The following NCAM2 variants were observed in gnomAD, a reference collection of about 807,000 sequenced individuals.
The protein encoded by NCAM2 is N-CAM-2.
A neutral mutation model predicts 98.1 loss-of-function variants in NCAM2; 30 were observed. The observed-to-expected ratio is 0.31, with a 90% CI of 0.23 to 0.41. The LOEUF (loss-of-function observed/expected upper bound fraction) is 0.41. NCAM2 is among the 10% of genes least tolerant of loss of function. The pLI is 1.00. For missense variants in NCAM2, 867 were observed against 1,005.8 expected (o/e 0.86, Z 1.87); for synonymous variants, 368 against 342.4 (o/e 1.07, Z -0.83).
At chr21:21,000,202 T>G (rs1196394764) in intron 1 of NCAM2, among the ~76,000 whole-genome samples, 1 of 152,212 alleles carries the variant, frequency 6.6e-6, no homozygotes, top group Non-Finnish European at 1.5e-5. Flanking sequence ...AACTGTTCAT[T>G]TATAGCATAG....
chr21:21,374,455 A>C lies in NCAM2; in HGVS notation c.1195+442A>C, dbSNP rs143562543. ...AAACTATAAAGAGTATTTTAAATGC[A>C]GTGAAATGTACTAATATGCTGTCTT... On this transcript the variant is annotated intron_variant, in intron 9 of 17. Coordinates refer to ENST00000400546, the MANE Select transcript of NCAM2 (RefSeq NM_004540.5). Among the ~76,000 whole-genome samples, 840 of 152,044 alleles carry C rather than the reference A, an allele frequency of 5.5e-3. 3 individuals carry two copies. Among genetic ancestry groups the C allele is most frequent in the Non-Finnish European group, 8.1e-3 (550 of 67,924 alleles).
At chr21:21,480,910 G>T (rs1985820417) in intron 15 of NCAM2, among the ~76,000 whole-genome samples, 1 of 152,188 alleles carries the variant, frequency 6.6e-6, no homozygotes, top group African/African-American at 2.4e-5. Flanking sequence ...TTTTGTAGGA[G>T]AAGCAAGACT....
chr21:21,104,298 G>A (rs2146500044), intron 1 of NCAM2, among the ~76,000 whole-genome samples: 1 of 152,222 alleles, frequency 6.6e-6, no homozygotes, highest in South Asian at 2.1e-4. Flanking sequence ...GTACATTAGT[G>A]TATTGTATAT....
chr21:21,175,127 G>T (rs1427419295), intron 1 of NCAM2, among the ~76,000 whole-genome samples: 1 of 152,110 alleles, frequency 6.6e-6, no homozygotes, highest in African/African-American at 2.4e-5. Context: ...GATGAGTCTG[G>T]TTAACAGAAT....
At chr21:21,468,810 A>G (rs781196231) in intron 14 of NCAM2, 27 bp downstream of exon 14, 6 of 1,585,068 alleles carry the variant, frequency 3.8e-6, no homozygotes, top group South Asian at 1.1e-5. Context: ...TTGTCATATC[A>G]TGCTAGGTTT....
intron 12 of NCAM2, among the ~76,000 whole-genome samples, chr21:21,445,306 TATG>T (rs1388976784): frequency 6.6e-6 from 1 of 152,178 alleles, no homozygotes; most frequent in African/African-American, 2.4e-5. Flanking sequence ...GAATGAATAT[TATG>T]ATGATTTGGG....
Position 21,540,797 on chromosome 21 carries a change from A to G in NCAM2, c.*2840A>G, listed in dbSNP as rs1315039255. 6.6e-6 allele frequency: 1 copy of G among 152,140 alleles called. No homozygotes were observed. The highest frequency in any genetic ancestry group is 3.4e-3 in the Middle Eastern group (1 of 294). The allele number at this position is 152,140 out of a possible 1,614,324, so 9.4% of individuals were successfully genotyped here. ...GGTATTTCTTGATAGGTTAGGTGCA[A>G]TTAGGCAGTGACAATCTGTATTCAA... is the stretch of plus-strand genomic sequence containing the variant. On this transcript the variant is annotated 3_prime_UTR_variant, in exon 18 of 18. Coordinates refer to ENST00000400546, the MANE Select transcript of NCAM2 (RefSeq NM_004540.5).
intron 9 of NCAM2, among the ~76,000 whole-genome samples, chr21:21,378,331 T>C (rs2076077876): frequency 6.6e-6 from 1 of 152,038 alleles, no homozygotes; most frequent in Admixed American, 6.6e-5. Flanking sequence ...CTACTTCCTC[T>C]TCAGTACTTG....
intron 1 of NCAM2, among the ~76,000 whole-genome samples, chr21:21,178,115 G>A (rs1684181851): frequency 6.6e-6 from 1 of 152,034 alleles, no homozygotes; most frequent in Non-Finnish European, 1.5e-5. Flanking sequence ...CAAGGGTATT[G>A]ACAATTAGTT....
chr21:21,277,491 C>A (rs2072771533), intron 1 of NCAM2, among the ~76,000 whole-genome samples: 1 of 151,878 alleles, frequency 6.6e-6, no homozygotes, highest in Admixed American at 6.6e-5. Context: ...AGTAGGAAGC[C>A]ATGAGGGGTT....
At chr21:21,220,132 A>G (rs2070082501) in intron 1 of NCAM2, among the ~76,000 whole-genome samples, 1 of 152,144 alleles carries the variant, frequency 6.6e-6, no homozygotes, top group Non-Finnish European at 1.5e-5. Context: ...AAATAAAAAT[A>G]TTTTTAATAA....
At chr21:21,415,568 C>T (rs970829997) in intron 10 of NCAM2, among the ~76,000 whole-genome samples, 2 of 152,108 alleles carry the variant, frequency 1.3e-5, no homozygotes, top group East Asian at 3.9e-4. Flanking sequence ...ATCTCCTGAC[C>T]TCGTGATCTG....
At chr21:21,136,589 G>A (rs2067055977) in intron 1 of NCAM2, among the ~76,000 whole-genome samples, 1 of 151,484 alleles carries the variant, frequency 6.6e-6, no homozygotes, top group Non-Finnish European at 1.5e-5. Flanking sequence ...AGCCTCTGGA[G>A]TAGCTGGGAT....
rs750515325 is a variant in NCAM2 at position 21,538,871 on chromosome 21, A to G, written c.*914A>G. 2.2e-4 allele frequency: 34 copies of G among 152,162 alleles called. No homozygotes were observed. The allele number at this position is 152,162 out of a possible 1,614,324, so 9.4% of individuals were successfully genotyped here. On this transcript the variant is annotated 3_prime_UTR_variant, in exon 18 of 18. Transcript: ENST00000400546. ...AAGTCTTTAGTGTTCAAATACTTCA[A>G]ATCATATCCTCAGATATATTTTTAG...
intron 12 of NCAM2, among the ~76,000 whole-genome samples, chr21:21,432,882 A>C (rs111630884): frequency 3.3e-5 from 5 of 152,308 alleles, no homozygotes; most frequent in African/African-American, 1.2e-4. Context: ...AATAATAAGA[A>C]TTACCAGCGT....
chr21:21,452,963 A>AT (rs1303827278), intron 12 of NCAM2, among the ~76,000 whole-genome samples: 1 of 33,174 alleles, frequency 3.0e-5, no homozygotes, highest in African/African-American at 1.4e-4. Context: ...TATATTATAT[A>AT]TTATATATTA....
chr21:21,212,742 CTTTTT>C (rs34111265), intron 1 of NCAM2, among the ~76,000 whole-genome samples: 2 of 124,738 alleles, frequency 1.6e-5, no homozygotes, highest in East Asian at 4.6e-4. Context: ...ATTATCTGTG[CTTTTT>C]TTTTTTTTTT....
intron 1 of NCAM2, among the ~76,000 whole-genome samples, chr21:21,083,182 T>G (rs534170967): frequency 6.6e-6 from 1 of 152,304 alleles, no homozygotes. Flanking sequence ...TCCCAGCTTC[T>G]TAACGTGGTA....
chr21:21,373,100 A>C lies in NCAM2; in HGVS notation c.1045-763A>C, dbSNP rs554497214. 2.0e-5 allele frequency among the ~76,000 whole-genome samples: 3 copies of C among 151,990 alleles called. No homozygotes were observed. In the Admixed American group the frequency reaches 2.0e-4, roughly 10 times the overall value. ...TGAAGGAGTACATTTTCTTTACTCA[A>C]CTGCATGTAAATTTCACTATAACAT... On this transcript the variant is annotated intron_variant, in intron 8 of 17. Transcript: ENST00000400546.
Sources: gnomAD v4.1 joint callset for allele counts (sites outside exome capture counted in the v4.1 genomes callset) on GRCh38, gnomAD v4.1.1 for gene constraint, MANE v1.5 for transcripts, NCBI Gene and HGNC (gene_info 2026-07-23, HGNC 2026-07-21) for gene names.